The following SIL1 variants were observed in gnomAD, a reference collection of about 807,000 sequenced individuals.
SIL1 encodes the protein nucleotide exchange factor SIL1.
SIL1 carries 40 observed loss-of-function variants against 49.1 expected under a neutral mutation model. The observed-to-expected ratio is 0.81, with a 90% CI of 0.63 to 1.06. The LOEUF (loss-of-function observed/expected upper bound fraction) is 1.06, where lower values mean the gene tolerates loss of function less well. Among genes scored for constraint, SIL1 ranks in the 50% least tolerant of loss-of-function variants. The pLI, the probability that SIL1 is intolerant of heterozygous loss-of-function variation, is 0.00. For missense variants in SIL1, 500 were observed against 572.6 expected (o/e 0.87, Z 1.29); for synonymous variants, 253 against 250.8 (o/e 1.01, Z -0.08).
At chr5:138,998,903 C>T (rs1456432360) in intron 7 of SIL1, among the ~76,000 whole-genome samples, 1 of 132,614 alleles carries the variant, frequency 7.5e-6, no homozygotes, top group East Asian at 2.2e-4. Flanking sequence ...GTCATCCAGG[C>T]TGGAGTGCAA....
intron 7 of SIL1, among the ~76,000 whole-genome samples, chr5:138,973,651 G>T (rs950505592): frequency 6.6e-6 from 1 of 151,904 alleles, no homozygotes; most frequent in Non-Finnish European, 1.5e-5. Flanking sequence ...TAGAGCTGAG[G>T]TCTCACTATG....
intron 1 of SIL1, among the ~76,000 whole-genome samples, chr5:139,161,621 A>G (rs971669763): frequency 6.6e-6 from 1 of 152,168 alleles, no homozygotes; most frequent in Admixed American, 6.5e-5. Flanking sequence ...CAGGTCTTTG[A>G]GCACCAATAA....
At position 138,947,272 on chromosome 5, in the gene SIL1, G is replaced by A. The variant is rs142943842; in HGVS notation, c.1231C>T (p.Arg411Cys). 136 of 1,613,360 alleles carry A rather than the reference G, an allele frequency of 8.4e-5. No individual in the cohort carries two copies. The highest frequency in any genetic ancestry group is 1.6e-4 in the Middle Eastern group (1 of 6,084). ...LGVLLTTCRDRYRQDPQLGRT... is the reference protein window; with the variant it reads ...LGVLLTTCRDCYRQDPQLGRT... ...CCGAGCTGGGGGTCCTGACGGTAGC[G>A]GTCCCGGCAGGTGGTCAGGAGGACG... The change falls in exon 10 of 10, where the codon CGC becomes TGC. Residue 411 changes from arginine to cysteine, a missense_variant. Transcript: ENST00000394817. The surrounding 1 kb of genome is among the most constrained non-coding windows in gnomAD (Gnocchi z 4.1).
chr5:139,195,563 AT>A (rs1188204720), intron 1 of SIL1, among the ~76,000 whole-genome samples: 1 of 151,762 alleles, frequency 6.6e-6, no homozygotes, highest in African/African-American at 2.4e-5. Flanking sequence ...AATTTTTTGT[AT>A]TTTTAGTAGA....
rs7737962 is a variant in SIL1, at chr5:139,170,838, C to T, written c.-11+27431G>A. Among the ~76,000 whole-genome samples, 1,217 of 150,878 alleles carry T rather than the reference C, an allele frequency of 8.1e-3. 11 individuals are homozygous for T. Among genetic ancestry groups the T allele is most frequent in the African/African-American group, 0.029 (1,189 of 41,016 alleles). On this transcript the variant is annotated intron_variant, in intron 1 of 9. Coordinates refer to ENST00000394817, the MANE Select transcript of SIL1 (RefSeq NM_022464.5). The stretch of plus-strand genomic sequence containing the variant: ...GGAGGGAGGTGGGGGGGTCAGCCCC[C>T]CGCCCGGCCAGCCGCCCCGTCCGGG...
intron 5 of SIL1, among the ~76,000 whole-genome samples, chr5:139,031,567 T>A (rs538055711): frequency 7.2e-5 from 11 of 152,338 alleles, no homozygotes; most frequent in Admixed American, 6.5e-4. Context: ...CACTTATTCT[T>A]CTTTTTAAAA....
intron 1 of SIL1, among the ~76,000 whole-genome samples, chr5:139,166,685 C>A (rs11951709): frequency 0.35 from 53,702 of 152,032 alleles, 11,685 homozygotes; most frequent in South Asian, 0.51. Flanking sequence ...ATTCCCATAG[C>A]CCAGGCTGGA....
intron 1 of SIL1, among the ~76,000 whole-genome samples, chr5:139,188,424 G>GT (rs983762926): frequency 7.2e-5 from 11 of 152,126 alleles, no homozygotes; most frequent in South Asian, 2.1e-4. Flanking sequence ...CAAATAGTGA[G>GT]TTTTTTTTAC....
intron 6 of SIL1, among the ~76,000 whole-genome samples, chr5:139,023,027 C>T (rs1482075925): frequency 6.6e-6 from 1 of 152,126 alleles, no homozygotes; most frequent in African/African-American, 2.4e-5. Flanking sequence ...CGGTCAGCTC[C>T]AAAGCAACAC....
At chr5:139,072,049 T>C (rs531856100) in intron 3 of SIL1, among the ~76,000 whole-genome samples, 1 of 152,268 alleles carries the variant, frequency 6.6e-6, no homozygotes, top group Admixed American at 6.5e-5. Context: ...ATAATTCCTT[T>C]TCTAGGCACA....
rs576564927 is a variant in SIL1, at chr5:138,987,689, C to G, written c.767+33482G>C. 2.0e-5 allele frequency among the ~76,000 whole-genome samples: 3 copies of G among 152,322 alleles called. No individual in the cohort carries two copies. The East Asian group carries it at 5.8e-4, about 29-fold the overall frequency. On this transcript the variant is annotated intron_variant, in intron 7 of 9. Transcript: ENST00000394817. Reference sequence around the variant, plus strand: ...AAACACTCTAAATGGAGCCCTCTTACTACACCCATCTCATCCCCTACCCTG... The same window carrying G: ...AAACACTCTAAATGGAGCCCTCTTAGTACACCCATCTCATCCCCTACCCTG...
At position 138,948,837 on chromosome 5, in the gene SIL1, G is replaced by A. The variant is rs536105992; in HGVS notation, c.1030-1364C>T. Reference sequence around the variant, plus strand: ...GGCAGCGGGTTCCTTACGGGAGAGCGGTTGTTATTCTAGAGAGCAAGCCCG... The same window carrying A: ...GGCAGCGGGTTCCTTACGGGAGAGCAGTTGTTATTCTAGAGAGCAAGCCCG... On this transcript the variant is annotated intron_variant, in intron 9 of 9. Coordinates refer to ENST00000394817, the MANE Select transcript of SIL1 (RefSeq NM_022464.5). This position sits in a 1 kb window ranked among gnomAD's most constrained non-coding sequence, Gnocchi z 4.8. 1.3e-3 allele frequency among the ~76,000 whole-genome samples: 195 copies of A among 152,276 alleles called. 1 individual carries two copies. Among genetic ancestry groups the A allele is most frequent in the African/African-American group, 4.4e-3 (182 of 41,568 alleles).
intron 3 of SIL1, among the ~76,000 whole-genome samples, chr5:139,112,238 C>T (rs551468029): frequency 6.6e-6 from 1 of 152,342 alleles, no homozygotes; most frequent in East Asian, 1.9e-4. Flanking sequence ...CCCAAAGTGC[C>T]GAGATTGCAG....
At chr5:139,035,962 T>C (rs1418140689) in intron 5 of SIL1, 3 of 152,306 alleles carry the variant, frequency 2.0e-5, no homozygotes, top group Non-Finnish European at 4.4e-5. Context: ...CATACAACTT[T>C]GATGTCGCTG....
intron 3 of SIL1, among the ~76,000 whole-genome samples, chr5:139,080,129 A>G (rs951392111): frequency 6.6e-6 from 1 of 152,248 alleles, no homozygotes; most frequent in Non-Finnish European, 1.5e-5. Context: ...TTTTCTCCAA[A>G]TAAAACTAAA....
chr5:139,113,524 C>G (rs1011641401), intron 3 of SIL1, among the ~76,000 whole-genome samples: 3 of 151,916 alleles, frequency 2.0e-5, no homozygotes, highest in African/African-American at 7.3e-5. Flanking sequence ...TTCATATTAT[C>G]CCCACCAACA....
chr5:138,972,478 C>A (rs1767300601), intron 7 of SIL1, among the ~76,000 whole-genome samples: 1 of 152,224 alleles, frequency 6.6e-6, no homozygotes, highest in African/African-American at 2.4e-5. Flanking sequence ...TGGCTCAGAG[C>A]TCCTCAGGCT....
At chr5:139,124,532 C>A (rs1483973960) in intron 2 of SIL1, among the ~76,000 whole-genome samples, 2 of 152,162 alleles carry the variant, frequency 1.3e-5, no homozygotes, top group Non-Finnish European at 2.9e-5. Context: ...ACCCTGTTTA[C>A]GAGCCCTGGC....
chr5:139,128,783 C>T lies in SIL1; in HGVS notation c.-10-930G>A, dbSNP rs528693557. On this transcript the variant is annotated intron_variant, in intron 1 of 9. Transcript: ENST00000394817. The stretch of plus-strand genomic sequence containing the variant: ...GATTCAGAGCAATCTCTGTTAAAAT[C>T]CCAATGGAGAAACTCATCCCTAAAA... 3.2e-4 allele frequency among the ~76,000 whole-genome samples: 48 copies of T among 152,274 alleles called. 1 individual carries two copies. In the South Asian group the frequency reaches 9.3e-3, roughly 30 times the overall value.
Sources: allele counts gnomAD v4.1 joint callset (sites outside exome capture counted in the v4.1 genomes callset), GRCh38; gene constraint gnomAD v4.1.1; non-coding constraint Gnocchi (gnomAD v3.1); transcripts MANE v1.5; gene names NCBI Gene and HGNC (gene_info 2026-07-23, HGNC 2026-07-21).